The following CRTC3 variants were observed in gnomAD, a reference collection of about 807,000 sequenced individuals.
CRTC3 encodes CREB regulated transcription coactivator 3, also known as CREB-regulated transcription coactivator 3.
CRTC3 carries 26 observed loss-of-function variants against 74.5 expected under a neutral mutation model. That is an observed-to-expected ratio of 0.35 (90% CI 0.26 to 0.48). CRTC3 has a LOEUF of 0.48. CRTC3 is among the 20% of genes least tolerant of loss of function. The pLI is 0.99. For missense variants in CRTC3, 760 were observed against 787.3 expected, an observed-to-expected ratio of 0.97 and a Z score of 0.41; for synonymous variants, 377 against 325.8, an observed-to-expected ratio of 1.16 and a Z score of -1.69.
At chr15:90,637,585 CCTGTGTT>C (rs1437347274) in intron 11 of CRTC3, among the ~76,000 whole-genome samples, 1 of 152,030 alleles carries the variant, frequency 6.6e-6, no homozygotes, top group Non-Finnish European at 1.5e-5. Flanking sequence ...TCTTCTAAAC[CCTGTGTT>C]TTCAGTAAAG....
chr15:90,630,359 T>G (rs995702360), intron 11 of CRTC3, among the ~76,000 whole-genome samples: 1 of 152,226 alleles, frequency 6.6e-6, no homozygotes, highest in Non-Finnish European at 1.5e-5. Context: ...TTATTGTTCA[T>G]GAAATGCTAA....
intron 2 of CRTC3, among the ~76,000 whole-genome samples, chr15:90,565,909 A>G (rs1967113583): frequency 6.6e-6 from 1 of 152,200 alleles, no homozygotes; most frequent in African/African-American, 2.4e-5. Flanking sequence ...TAAGTGTTCA[A>G]GTGAAAGAAA....
At position 90,644,102 on chromosome 15, in the gene CRTC3, G is replaced by A. The variant is rs952099573; in HGVS notation, c.*1962G>A. 2.6e-5 allele frequency: 6 copies of A among 229,876 alleles called. No homozygotes were observed. In the Middle Eastern group the frequency reaches 3.8e-3, roughly 144 times the overall value. The allele number at this position is 229,876 out of a possible 1,614,324, so 14.2% of individuals were successfully genotyped here. A position where few individuals can be genotyped will look rare whatever the true frequency, so the allele number is the denominator to read the frequency against. On this transcript the variant is annotated 3_prime_UTR_variant, in exon 15 of 15. Transcript: ENST00000268184. ...ACATTTGCCCCAAATCTTTGCTGTG[G>A]AATTGGGAAATCAAACCAGAGTCCT...
At chr15:90,544,175 G>T (rs1255560886) in intron 2 of CRTC3, among the ~76,000 whole-genome samples, 2 of 152,142 alleles carry the variant, frequency 1.3e-5, no homozygotes, top group Non-Finnish European at 2.9e-5. Context: ...TCTCTTCCTA[G>T]CTTCCGTGGT....
Sources: gnomAD v4.1 joint callset for allele counts (sites outside exome capture counted in the v4.1 genomes callset) on GRCh38, gnomAD v4.1.1 for gene constraint, MANE v1.5 for transcripts, NCBI Gene and HGNC (gene_info 2026-07-23, HGNC 2026-07-21) for gene names.